Variants in YWHAQ observed in about 807,000 individuals in gnomAD.
YWHAQ encodes 14-3-3 protein theta.
Under a neutral mutation model 28.3 loss-of-function variants are expected in YWHAQ, and 6 were observed. The ratio of observed to expected loss-of-function variants is 0.21; its 90% CI spans 0.12 to 0.42. The LOEUF is 0.42. Ranked by LOEUF, YWHAQ falls within the 10% of genes least tolerant of loss-of-function variation. The pLI, the probability that YWHAQ is intolerant of heterozygous loss-of-function variation, is 1.00. For missense variants in YWHAQ, 201 were observed against 305.6 expected, an observed-to-expected ratio of 0.66 and a Z score of 2.55; for synonymous variants, 143 against 119.1, an observed-to-expected ratio of 1.20 and a Z score of -1.31.
At chr2:9,594,213 C>T (rs1339993852) in intron 2 of YWHAQ, among the ~76,000 whole-genome samples, 3 of 152,048 alleles carry the variant, frequency 2.0e-5, no homozygotes, top group Non-Finnish European at 2.9e-5. Context: ...AAACAACAGA[C>T]AAATCAGTTT....
At chr2:9,620,514 C>A (rs2125073016) in intron 2 of YWHAQ, 1 of 152,282 alleles carries the variant, frequency 6.6e-6, no homozygotes, top group South Asian at 2.1e-4. Flanking sequence ...TCTGAAAGAC[C>A]ATTATCCATA....
rs371355879 is a variant in YWHAQ at position 9,630,152 on chromosome 2, G to A, written c.294+7C>T. The A allele has an allele frequency of 1.9e-6, 3 of 1,605,006 alleles. No homozygotes were observed. The highest frequency in any genetic ancestry group is 1.3e-5 in the African/African-American group (1 of 74,748). ...GGCCTCCCCTGCTCCCCGCGCCGAG[G>A]ACTCACCAGCACCGTGGTGCAGATG... On this transcript the variant is annotated splice_region_variant and intron_variant, in intron 2 of 5. Coordinates refer to ENST00000238081, the MANE Select transcript of YWHAQ (RefSeq NM_006826.4). The surrounding 1 kb of genome is among the most constrained non-coding windows in gnomAD (Gnocchi z 5.6).
At chr2:9,590,818 C>T in intron 3 of YWHAQ, among the ~76,000 whole-genome samples, 1 of 152,142 alleles carries the variant, frequency 6.6e-6, no homozygotes, top group East Asian at 1.9e-4. Context: ...TAAAACCTAA[C>T]CATGAGTCAT....
chr2:9,593,186 G>C (rs1230411329), intron 2 of YWHAQ, among the ~76,000 whole-genome samples: 3 of 148,124 alleles, frequency 2.0e-5, no homozygotes, highest in African/African-American at 7.5e-5. Flanking sequence ...CTTTCTTCTT[G>C]TTTATCTGAC....
At chr2:9,615,169 T>C (rs1667019279) in intron 2 of YWHAQ, 1 of 152,058 alleles carries the variant, frequency 6.6e-6, no homozygotes, top group Admixed American at 6.6e-5. Flanking sequence ...CTCCAGACAA[T>C]ATAGAACTGA....
chr2:9,611,906 T>C (rs1034420934), intron 2 of YWHAQ, among the ~76,000 whole-genome samples: 10 of 152,244 alleles, frequency 6.6e-5, no homozygotes, highest in Non-Finnish European at 4.4e-5. Flanking sequence ...TGGGCTCATG[T>C]GATCTACCCG....
At chr2:9,601,572 G>A (rs974418893) in intron 2 of YWHAQ, among the ~76,000 whole-genome samples, 2 of 152,048 alleles carry the variant, frequency 1.3e-5, no homozygotes, top group African/African-American at 2.4e-5. Flanking sequence ...TCATATAAAA[G>A]GTAATAAAAC....
chr2:9,628,401 T>C (rs1403472749), intron 2 of YWHAQ, among the ~76,000 whole-genome samples: 2 of 152,116 alleles, frequency 1.3e-5, no homozygotes, highest in Non-Finnish European at 2.9e-5. Flanking sequence ...GCAAAACTCT[T>C]CCCCGACTTA....
chr2:9,605,415 A>C (rs1435612147), intron 2 of YWHAQ, among the ~76,000 whole-genome samples: 1 of 152,128 alleles, frequency 6.6e-6, no homozygotes, highest in Non-Finnish European at 1.5e-5. Context: ...GATTACAGGC[A>C]TGAGGCCACC....
At chr2:9,599,377 A>AT (rs1373522659) in intron 2 of YWHAQ, among the ~76,000 whole-genome samples, 2 of 152,310 alleles carry the variant, frequency 1.3e-5, no homozygotes, top group East Asian at 3.9e-4. Flanking sequence ...ACAAAATACC[A>AT]TATTTCCAAT....
chr2:9,612,833 G>C (rs1666975684), intron 2 of YWHAQ, among the ~76,000 whole-genome samples: 1 of 152,318 alleles, frequency 6.6e-6, no homozygotes, highest in Admixed American at 6.5e-5. Flanking sequence ...GCTAGATGCA[G>C]CACTATTAGA....
At chr2:9,602,610 T>C (rs1017877244) in intron 2 of YWHAQ, among the ~76,000 whole-genome samples, 22 of 151,082 alleles carry the variant, frequency 1.5e-4, no homozygotes, top group Non-Finnish European at 1.3e-4. Context: ...AGTGCAGTGA[T>C]CACAGCTTAC....
intron 2 of YWHAQ, among the ~76,000 whole-genome samples, chr2:9,614,721 GC>G (rs1667012326): frequency 6.6e-6 from 1 of 152,120 alleles, no homozygotes; most frequent in Non-Finnish European, 1.5e-5. Context: ...TAAGTCTATG[GC>G]AAACTGAATT....
At chr2:9,596,733 A>T (rs933887095) in intron 2 of YWHAQ, among the ~76,000 whole-genome samples, 41 of 151,576 alleles carry the variant, frequency 2.7e-4, no homozygotes, top group African/African-American at 9.9e-4. Context: ...ACCGAGTCTC[A>T]CTCTGCCAAC....
chr2:9,629,398 T>C lies in YWHAQ; in HGVS notation c.294+761A>G, dbSNP rs552226304. 1.2e-4 allele frequency among the ~76,000 whole-genome samples: 19 copies of C among 152,242 alleles called. 1 individual carries two copies. Among genetic ancestry groups the C allele is most frequent in the Admixed American group, 7.2e-4 (11 of 15,294 alleles). ...AAATGTTCTCTCTCACTAATAAGGGTGAATCACAGCAGCCACCTACTCCAC... is the reference window on the plus strand; with the variant it reads ...AAATGTTCTCTCTCACTAATAAGGGCGAATCACAGCAGCCACCTACTCCAC... On this transcript the variant is annotated intron_variant, in intron 2 of 5. Transcript: ENST00000238081.
At chr2:9,620,229 T>C (rs1030642190) in intron 2 of YWHAQ, among the ~76,000 whole-genome samples, 1 of 152,200 alleles carries the variant, frequency 6.6e-6, no homozygotes, top group African/African-American at 2.4e-5. Flanking sequence ...GTAGCAAAGG[T>C]ACAGGAGACA....
chr2:9,622,665 T>C (rs1310991307), intron 2 of YWHAQ, among the ~76,000 whole-genome samples: 1 of 152,250 alleles, frequency 6.6e-6, no homozygotes, highest in Non-Finnish European at 1.5e-5. Flanking sequence ...TGAATTCCAA[T>C]TAAAGCCAGC....
intron 3 of YWHAQ, among the ~76,000 whole-genome samples, chr2:9,590,491 C>T (rs1340194575): frequency 6.6e-6 from 1 of 151,976 alleles, no homozygotes. Flanking sequence ...AAATTAAGAA[C>T]AAAACAACAA....
At chr2:9,585,741 C>T (rs749307868) in intron 5 of YWHAQ, among the ~76,000 whole-genome samples, 17 of 151,920 alleles carry the variant, frequency 1.1e-4, no homozygotes, top group Non-Finnish European at 2.1e-4. Flanking sequence ...CCCACGTCTA[C>T]AAAAAATTTC....
Sources: allele counts gnomAD v4.1 joint callset (sites outside exome capture counted in the v4.1 genomes callset), GRCh38; gene constraint gnomAD v4.1.1; non-coding constraint Gnocchi (gnomAD v3.1); transcripts MANE v1.5; gene names NCBI Gene and HGNC (gene_info 2026-07-23, HGNC 2026-07-21).